PRKCB: variants seen among roughly 807,000 people sequenced by gnomAD.
The protein encoded by PRKCB is protein kinase C beta type.
Under a neutral mutation model 81.5 loss-of-function variants are expected in PRKCB, and 13 were observed. That is an observed-to-expected ratio of 0.16 (90% confidence interval 0.10 to 0.25). The LOEUF (loss-of-function observed/expected upper bound fraction) is 0.25. Ranked by LOEUF, PRKCB falls within the 10% of genes least tolerant of loss-of-function variation. The pLI is 1.00. For missense variants in PRKCB, 509 were observed against 875.7 expected, an observed-to-expected ratio of 0.58 and a Z score of 5.29; for synonymous variants, 335 against 321.4, an observed-to-expected ratio of 1.04 and a Z score of -0.45.
rs540413314 is a variant in PRKCB, at chr16:23,975,639, C to T, written c.206-12869C>T. On this transcript the variant is annotated intron_variant, in intron 2 of 16. Transcript: ENST00000643927. ...AGGTGCATTACGTCTTCTGCAATAT[C>T]TAAAGGAATTAAGGGAAGGATGAAA... is the stretch of plus-strand genomic sequence containing the variant. Among the ~76,000 whole-genome samples, 8 of 152,242 alleles carry T rather than the reference C, an allele frequency of 5.3e-5. No homozygotes were observed. The South Asian group carries it at 1.7e-3, about 32-fold the overall frequency.
chr16:24,013,268 C>T (rs1306527247), intron 3 of PRKCB, among the ~76,000 whole-genome samples: 1 of 152,036 alleles, frequency 6.6e-6, no homozygotes, highest in Non-Finnish European at 1.5e-5. Context: ...AAAGTAATTG[C>T]GGTTTTTGCT....
At chr16:24,157,888 C>A (rs1489420764) in intron 10 of PRKCB, among the ~76,000 whole-genome samples, 1 of 151,792 alleles carries the variant, frequency 6.6e-6, no homozygotes, top group Non-Finnish European at 1.5e-5. Context: ...TCAATTAAAC[C>A]CCTTTCCTTT....
At chr16:24,213,582 A>T (rs943682816) in intron 16 of PRKCB, among the ~76,000 whole-genome samples, 1 of 152,268 alleles carries the variant, frequency 6.6e-6, no homozygotes, top group Non-Finnish European at 1.5e-5. Flanking sequence ...TAGCAAATGC[A>T]TAATAAATAT....
At chr16:23,902,261 C>T (rs186112123) in intron 2 of PRKCB, among the ~76,000 whole-genome samples, 4 of 152,252 alleles carry the variant, frequency 2.6e-5, no homozygotes, top group East Asian at 1.9e-4. Flanking sequence ...ACATTTGCCC[C>T]TGCCTTTAGA....
intron 9 of PRKCB, among the ~76,000 whole-genome samples, chr16:24,140,932 T>G (rs1966892712): frequency 6.6e-6 from 1 of 152,192 alleles, no homozygotes; most frequent in Non-Finnish European, 1.5e-5. Flanking sequence ...AAATTTAGCT[T>G]GGCCCAAGTC....
At chr16:24,089,371 G>T (rs191251583) in intron 5 of PRKCB, among the ~76,000 whole-genome samples, 1 of 152,274 alleles carries the variant, frequency 6.6e-6, no homozygotes, top group East Asian at 1.9e-4. Context: ...AAGCTCTCCT[G>T]TGGAAGGGTT....
intron 2 of PRKCB, among the ~76,000 whole-genome samples, chr16:23,881,982 C>A (rs1963117114): frequency 4.5e-5 from 1 of 22,012 alleles, no homozygotes; most frequent in South Asian, 2.3e-3. Flanking sequence ...TTCTTTCTTT[C>A]TTTCTTTCTT....
Position 24,216,172 on chromosome 16 carries a change from CA to C in PRKCB, c.*1357del, listed in dbSNP as rs1968225007. On this transcript the variant is annotated 3_prime_UTR_variant, in exon 17 of 17. Transcript: ENST00000643927. ...GGAGGGGCGGGGGCTGTGGCCCATT[CA>C]GGGGCTGCTGGTGGGCTGTAGTGGG... 2 of 985,352 alleles carry C rather than the reference CA, an allele frequency of 2.0e-6. No individual in the cohort carries two copies. Among genetic ancestry groups the C allele is most frequent in the South Asian group, 9.4e-5 (2 of 21,288 alleles). 61.0% of individuals were successfully genotyped at this position (985,352 alleles called of 1,614,324 possible).
rs564205153 is a variant in PRKCB, at chr16:23,845,732, C to T, written c.205+8326C>T. 7.9e-5 allele frequency among the ~76,000 whole-genome samples: 12 copies of T among 152,322 alleles called. No homozygotes were observed. In the South Asian group the frequency reaches 2.5e-3, roughly 32 times the overall value. On this transcript the variant is annotated intron_variant, in intron 2 of 16. Coordinates refer to ENST00000643927, the MANE Select transcript of PRKCB (RefSeq NM_002738.7). ...TAAGATGAGTAAGTATTTGGTAGAA[C>T]TAGCCTGTTACCTTGAGATGGCTTC...
intron 3 of PRKCB, among the ~76,000 whole-genome samples, chr16:24,014,409 T>C (rs1262518147): frequency 6.6e-6 from 1 of 152,176 alleles, no homozygotes; most frequent in Non-Finnish European, 1.5e-5. Flanking sequence ...CAACCCGGCC[T>C]GCACAGGAAG....
intron 2 of PRKCB, chr16:23,963,357 A>T (rs1338383676): frequency 6.6e-6 from 1 of 152,204 alleles, no homozygotes; most frequent in Non-Finnish European, 1.5e-5. Context: ...AGTGCCAATG[A>T]TCATTTATTA....
chr16:24,172,981 A>G (rs1440533377), intron 11 of PRKCB, among the ~76,000 whole-genome samples: 1 of 152,212 alleles, frequency 6.6e-6, no homozygotes, highest in African/African-American at 2.4e-5. Context: ...CTTTACAAAC[A>G]AGGAAATGGA....
At chr16:23,883,043 C>T (rs1208379696) in intron 2 of PRKCB, among the ~76,000 whole-genome samples, 1 of 152,100 alleles carries the variant, frequency 6.6e-6, no homozygotes, top group Admixed American at 6.5e-5. Context: ...TATTGAGGAC[C>T]AGCTTTGTTC....
intron 9 of PRKCB, among the ~76,000 whole-genome samples, chr16:24,132,170 TCCTC>T (rs1966854294): frequency 6.6e-6 from 1 of 152,142 alleles, no homozygotes; most frequent in African/African-American, 2.4e-5. Context: ...GTATTATGTC[TCCTC>T]CCCTTAGCAA....
chr16:24,103,026 C>T (rs1438864429), intron 7 of PRKCB, among the ~76,000 whole-genome samples: 1 of 152,128 alleles, frequency 6.6e-6, no homozygotes, highest in East Asian at 1.9e-4. Context: ...GTGCCTGCCA[C>T]CACACCCGGC....
At chr16:23,934,144 G>A (rs749340056) in intron 2 of PRKCB, among the ~76,000 whole-genome samples, 3 of 152,106 alleles carry the variant, frequency 2.0e-5, no homozygotes, top group Non-Finnish European at 4.4e-5. Flanking sequence ...ATTATCAGCT[G>A]GGTATAAAAT....
At chr16:23,880,979 G>A (rs772141977) in intron 2 of PRKCB, among the ~76,000 whole-genome samples, 6 of 151,996 alleles carry the variant, frequency 3.9e-5, no homozygotes, top group African/African-American at 7.3e-5. Context: ...GGTGCCCTCC[G>A]GATGGTCATG....
intron 8 of PRKCB, among the ~76,000 whole-genome samples, chr16:24,118,050 A>G (rs1487567559): frequency 6.6e-6 from 1 of 152,266 alleles, no homozygotes; most frequent in African/African-American, 2.4e-5. Context: ...TGTAGAGAGC[A>G]GCATGCTGGT....
intron 9 of PRKCB, among the ~76,000 whole-genome samples, chr16:24,152,721 G>T (rs72779989): frequency 0.045 from 6,834 of 152,226 alleles, 193 homozygotes; most frequent in Non-Finnish European, 0.071. Context: ...TACATCCCTT[G>T]GGTACCAGGG....
Sources: gnomAD v4.1 joint callset for allele counts (sites outside exome capture counted in the v4.1 genomes callset) on GRCh38, gnomAD v4.1.1 for gene constraint, MANE v1.5 for transcripts, NCBI Gene and HGNC (gene_info 2026-07-23, HGNC 2026-07-21) for gene names.